The following OSBPL6 variants were observed in gnomAD, a reference collection of about 807,000 sequenced individuals.
OSBPL6 encodes the protein oxysterol binding protein like 6.
OSBPL6 carries 49 observed loss-of-function variants against 125.8 expected under a neutral mutation model. The observed-to-expected ratio is 0.39, with a 90% confidence interval of 0.31 to 0.49. The LOEUF is 0.49. Among genes scored for constraint, OSBPL6 ranks in the 20% least tolerant of loss-of-function variants. The probability of loss-of-function intolerance (pLI) is 0.88; values close to 1 mark genes in which losing one functional copy is unlikely to be tolerated. For missense variants in OSBPL6, 986 were observed against 1,135.4 expected, an observed-to-expected ratio of 0.87 and a Z score of 1.89; for synonymous variants, 394 against 391.8, an observed-to-expected ratio of 1.01 and a Z score of -0.07.
chr2:178,379,576 A>C (rs188039863), intron 15 of OSBPL6, among the ~76,000 whole-genome samples: 17 of 152,362 alleles, frequency 1.1e-4, no homozygotes, highest in African/African-American at 3.8e-4. Flanking sequence ...CAAATGTTCA[A>C]ACAATAAACA....
chr2:178,391,621 A>T (rs1172466062), intron 22 of OSBPL6, among the ~76,000 whole-genome samples: 4 of 152,218 alleles, frequency 2.6e-5, no homozygotes, highest in African/African-American at 9.6e-5. Flanking sequence ...GTAATCCACA[A>T]ATTCAATAAC....
intron 11 of OSBPL6, among the ~76,000 whole-genome samples, chr2:178,344,945 A>C (rs1293966939): frequency 1.3e-5 from 2 of 152,184 alleles, no homozygotes; most frequent in Non-Finnish European, 2.9e-5. Context: ...GAAATGACAA[A>C]AAAAAGACAG....
chr2:178,289,076 G>A (rs1168977152), intron 2 of OSBPL6, among the ~76,000 whole-genome samples: 3 of 143,496 alleles, frequency 2.1e-5, no homozygotes, highest in East Asian at 4.1e-4. Flanking sequence ...GGAGTAGAGT[G>A]GTGCAATATT....
chr2:178,195,055 G>T (rs2088789686), intron 1 of OSBPL6, among the ~76,000 whole-genome samples: 2 of 151,972 alleles, frequency 1.3e-5, no homozygotes. Flanking sequence ...GATTGAAGCA[G>T]GGGCAGGGAG....
At chr2:178,228,188 G>A (rs532801270) in intron 1 of OSBPL6, among the ~76,000 whole-genome samples, 62 of 152,204 alleles carry the variant, frequency 4.1e-4, no homozygotes, top group African/African-American at 1.2e-3. Context: ...AAAATAGAAG[G>A]TATCTCTTCC....
chr2:178,229,823 C>A (rs981756527), intron 1 of OSBPL6, among the ~76,000 whole-genome samples: 8 of 152,178 alleles, frequency 5.3e-5, no homozygotes, highest in Admixed American at 2.0e-4. Context: ...CAGAATGAGA[C>A]CTTGTCTCAA....
Position 178,371,598 on chromosome 2 carries a change from G to C in OSBPL6, c.1288-528G>C, listed in dbSNP as rs562151945. The stretch of plus-strand genomic sequence containing the variant: ...GCACTGTCATATATATTAATTATGT[G>C]CTCCTGGAAAATGAAAATACAGATG... On this transcript the variant is annotated intron_variant, in intron 13 of 24. Transcript: ENST00000190611. Among the ~76,000 whole-genome samples, 5 of 152,136 alleles carry C rather than the reference G, an allele frequency of 3.3e-5. No homozygotes were observed. In the South Asian group the frequency reaches 1.0e-3, roughly 32 times the overall value.
intron 3 of OSBPL6, among the ~76,000 whole-genome samples, chr2:178,311,043 G>A (rs1418911267): frequency 6.6e-6 from 1 of 152,180 alleles, no homozygotes; most frequent in African/African-American, 2.4e-5. Flanking sequence ...GTCAGAGTGA[G>A]CCACTCTTCT....
chr2:178,347,826 T>A (rs541594424), intron 11 of OSBPL6, among the ~76,000 whole-genome samples: 21 of 152,200 alleles, frequency 1.4e-4, no homozygotes, highest in Non-Finnish European at 2.2e-4. Context: ...GAGGTAGGGT[T>A]CCTTTGATAA....
intron 1 of OSBPL6, among the ~76,000 whole-genome samples, chr2:178,215,337 T>C (rs1339454152): frequency 1.3e-5 from 2 of 152,172 alleles, no homozygotes; most frequent in Non-Finnish European, 2.9e-5. Context: ...TCTGGAAAAA[T>C]TGGCCCTTTT....
chr2:178,349,370 T>C lies in OSBPL6; in HGVS notation c.1134T>C (p.Phe378=). 6.2e-7 allele frequency: 1 copy of C among 1,614,162 alleles called. No homozygotes were observed. Among genetic ancestry groups the C allele is most frequent in the Non-Finnish European group, 8.5e-7 (1 of 1,180,018 alleles). ...ATTATACAAAGCTGCAAGAAGAATT[T>C]TGTCTAATCGCACAGAAAGGTAAGA... ...STDYTKLQEE[F]CLIAQKVHSL... The change falls in exon 12 of 25, where the codon TTT becomes TTC. Residue 378 remains phenylalanine, a synonymous_variant. Transcript: ENST00000190611.
At chr2:178,358,831 A>G (rs947646944) in intron 12 of OSBPL6, among the ~76,000 whole-genome samples, 13 of 152,146 alleles carry the variant, frequency 8.5e-5, no homozygotes, top group Admixed American at 3.3e-4. Context: ...TCAACAAAAG[A>G]AAAAGGTAAC....
At chr2:178,301,928 G>A (rs888369383) in intron 2 of OSBPL6, among the ~76,000 whole-genome samples, 1 of 152,120 alleles carries the variant, frequency 6.6e-6, no homozygotes, top group Non-Finnish European at 1.5e-5. Flanking sequence ...GCAGAGAGAC[G>A]GGGCCCTAAC....
At chr2:178,369,575 C>T (rs6715337) in intron 13 of OSBPL6, among the ~76,000 whole-genome samples, 2 of 152,078 alleles carry the variant, frequency 1.3e-5, no homozygotes, top group Admixed American at 6.6e-5. Context: ...TCTTCTGACT[C>T]CCAGGCTAGA....
At chr2:178,200,976 A>G (rs972163666) in intron 1 of OSBPL6, among the ~76,000 whole-genome samples, 1 of 151,828 alleles carries the variant, frequency 6.6e-6, no homozygotes, top group Non-Finnish European at 1.5e-5. Flanking sequence ...TTGTATTTTT[A>G]GTAGAGATGG....
intron 11 of OSBPL6, among the ~76,000 whole-genome samples, chr2:178,346,421 A>G (rs992757370): frequency 2.0e-5 from 3 of 152,202 alleles, no homozygotes. Flanking sequence ...TTTCACTGTC[A>G]GCAACTCCAT....
chr2:178,386,652 C>T (rs1349635773), intron 19 of OSBPL6, among the ~76,000 whole-genome samples: 1 of 151,838 alleles, frequency 6.6e-6, no homozygotes, highest in Non-Finnish European at 1.5e-5. Flanking sequence ...TTATAACAAC[C>T]TTTATTGCTG....
chr2:178,308,391 G>A (rs1176376852), intron 3 of OSBPL6, among the ~76,000 whole-genome samples: 1 of 152,200 alleles, frequency 6.6e-6, no homozygotes. Flanking sequence ...TAGAGAAAGT[G>A]TGATAAATTT....
chr2:178,307,702 C>T (rs1686899989), intron 3 of OSBPL6, among the ~76,000 whole-genome samples: 1 of 152,216 alleles, frequency 6.6e-6, no homozygotes, highest in Admixed American at 6.5e-5. Flanking sequence ...TGTTATGGCT[C>T]TTCCATTTTT....
Sources: allele counts gnomAD v4.1 joint callset (sites outside exome capture counted in the v4.1 genomes callset), GRCh38; gene constraint gnomAD v4.1.1; transcripts MANE v1.5; gene names NCBI Gene and HGNC (gene_info 2026-07-23, HGNC 2026-07-21).